Variants in SMYD1 observed in about 807,000 individuals in gnomAD.
SMYD1 encodes SET and MYND domain containing 1, also known as histone-lysine N-methyltransferase SMYD1.
In SMYD1, 49 loss-of-function variants were observed where a neutral mutation model predicts 54.0. That is an observed-to-expected ratio of 0.91 (90% confidence interval 0.72 to 1.15). The LOEUF (loss-of-function observed/expected upper bound fraction) is 1.15. SMYD1 is among the 50% of genes most tolerant of loss of function. The pLI, the probability that SMYD1 is intolerant of heterozygous loss-of-function variation, is 0.00. For synonymous variants in SMYD1, 269 were observed against 234.2 expected (o/e 1.15, Z -1.36); for missense variants, 653 against 639.6 (o/e 1.02, Z -0.23).
intron 8 of SMYD1, among the ~76,000 whole-genome samples, chr2:88,106,909 G>A (rs1674888444): frequency 6.6e-6 from 1 of 151,918 alleles, no homozygotes; most frequent in East Asian, 1.9e-4. Flanking sequence ...CTTAAAAATT[G>A]TAAAATTCTG....
At chr2:88,106,722 A>G (rs1378950730) in intron 8 of SMYD1, among the ~76,000 whole-genome samples, 1 of 152,094 alleles carries the variant, frequency 6.6e-6, no homozygotes. Flanking sequence ...TCTTTCCCAA[A>G]TTCTCCAGCA....
Position 88,112,217 on chromosome 2 carries a change from T to C in SMYD1, c.*1705T>C, listed in dbSNP as rs922711576. 2.9e-6 allele frequency: 2 copies of C among 693,928 alleles called. No individual in the cohort carries two copies. The highest frequency in any genetic ancestry group is 1.8e-5 in the African/African-American group (1 of 56,980). 43.0% of individuals were successfully genotyped at this position (693,928 alleles called of 1,614,324 possible). On this transcript the variant is annotated 3_prime_UTR_variant, in exon 10 of 10. Coordinates refer to ENST00000419482, the MANE Select transcript of SMYD1 (RefSeq NM_198274.4). ...TCAAATTATCACTCTTTTACCTTCA[T>C]ATAAAATGTCTCCCCCAAACCTTTT...
intron 1 of SMYD1, among the ~76,000 whole-genome samples, chr2:88,073,300 C>T (rs186325091): frequency 5.9e-5 from 9 of 152,304 alleles, no homozygotes; most frequent in African/African-American, 1.9e-4. Context: ...TTTCTTTATA[C>T]AATCCACCAT....
chr2:88,070,659 T>C (rs1200273594), intron 1 of SMYD1, among the ~76,000 whole-genome samples: 1 of 152,024 alleles, frequency 6.6e-6, no homozygotes, highest in African/African-American at 2.4e-5. Context: ...AAATAATAGT[T>C]TTGGCCGGGT....
intron 2 of SMYD1, among the ~76,000 whole-genome samples, chr2:88,087,001 C>T: frequency 9.8e-6 from 1 of 101,846 alleles, no homozygotes; most frequent in South Asian, 3.5e-4. Flanking sequence ...CACCCCACCA[C>T]AGTCCCCAAA....
intron 8 of SMYD1, among the ~76,000 whole-genome samples, chr2:88,107,347 A>G (rs1674900788): frequency 6.6e-6 from 1 of 152,238 alleles, no homozygotes; most frequent in South Asian, 2.1e-4. Flanking sequence ...GTTAGTCATA[A>G]ACAAAATGTA....
At chr2:88,072,084 T>A (rs1160487705) in intron 1 of SMYD1, among the ~76,000 whole-genome samples, 1 of 152,064 alleles carries the variant, frequency 6.6e-6, no homozygotes, top group Non-Finnish European at 1.5e-5. Context: ...GCATATAAAA[T>A]GTTTTCTTGA....
intron 6 of SMYD1, among the ~76,000 whole-genome samples, chr2:88,101,880 A>G (rs911601829): frequency 6.6e-6 from 1 of 152,256 alleles, no homozygotes; most frequent in Admixed American, 6.5e-5. Flanking sequence ...TGCTGGGATT[A>G]CAGGCGTGAG....
intron 5 of SMYD1, 139 bp downstream of exon 5, chr2:88,093,694 T>C (rs1674513229): frequency 2.2e-6 from 2 of 912,224 alleles, no homozygotes; most frequent in East Asian, 2.5e-5. Context: ...GTCTCATCTT[T>C]TTAATGCATT....
intron 1 of SMYD1, among the ~76,000 whole-genome samples, chr2:88,072,714 T>C (rs984127923): frequency 6.6e-6 from 1 of 152,220 alleles, no homozygotes; most frequent in African/African-American, 2.4e-5. Context: ...TTTAATAATT[T>C]CAGGTTCAAT....
intron 7 of SMYD1, among the ~76,000 whole-genome samples, chr2:88,104,244 G>A (rs907193877): frequency 6.6e-6 from 1 of 152,182 alleles, no homozygotes; most frequent in Non-Finnish European, 1.5e-5. Context: ...GGGATTACAG[G>A]CGTGAGCCAC....
chr2:88,070,504 A>G (rs1673922017), intron 1 of SMYD1, among the ~76,000 whole-genome samples: 1 of 151,924 alleles, frequency 6.6e-6, no homozygotes, highest in South Asian at 2.1e-4. Flanking sequence ...ATATTCTAAC[A>G]TATATTATAT....
chr2:88,101,833 T>C (rs1252082057), intron 6 of SMYD1, among the ~76,000 whole-genome samples: 1 of 152,228 alleles, frequency 6.6e-6, no homozygotes, highest in African/African-American at 2.4e-5. Flanking sequence ...ATCAAACTCC[T>C]GACCTCAGGT....
chr2:88,068,081 A>T, intron 1 of SMYD1, 80 bp downstream of exon 1: 1 of 1,504,662 alleles, frequency 6.6e-7, no homozygotes, highest in Non-Finnish European at 8.9e-7. Context: ...CTCAAAAATC[A>T]TCAGGGGAAG....
chr2:88,080,253 C>T (rs1445644241), intron 1 of SMYD1, among the ~76,000 whole-genome samples: 1 of 152,142 alleles, frequency 6.6e-6, no homozygotes, highest in African/African-American at 2.4e-5. Flanking sequence ...TAAGTGTTCA[C>T]CTAGGTGATT....
Position 88,096,152 on chromosome 2 carries a change from G to T in SMYD1, c.699-443G>T, listed in dbSNP as rs192694212. 3.9e-5 allele frequency among the ~76,000 whole-genome samples: 6 copies of T among 152,350 alleles called. No homozygotes were observed. In the East Asian group the frequency reaches 1.2e-3, roughly 29 times the overall value. ...GAATGGGCCAAGGTTGTGGGTAACC[G>T]AATGTGTATGTTTCTGAGAGAGTAG... On this transcript the variant is annotated intron_variant, in intron 5 of 9. Coordinates refer to ENST00000419482, the MANE Select transcript of SMYD1 (RefSeq NM_198274.4).
intron 1 of SMYD1, among the ~76,000 whole-genome samples, chr2:88,079,914 C>T (rs1249251879): frequency 2.0e-5 from 3 of 152,220 alleles, no homozygotes; most frequent in African/African-American, 7.2e-5. Flanking sequence ...AAATACTTCT[C>T]CTCACCCCAA....
At chr2:88,074,037 G>T (rs903963402) in intron 1 of SMYD1, among the ~76,000 whole-genome samples, 1 of 152,174 alleles carries the variant, frequency 6.6e-6, no homozygotes, top group African/African-American at 2.4e-5. Context: ...GAGAGAGAAA[G>T]AGAGAGGGAA....
intron 1 of SMYD1, among the ~76,000 whole-genome samples, chr2:88,079,542 C>T (rs1435234139): frequency 6.6e-6 from 1 of 152,150 alleles, no homozygotes; most frequent in Non-Finnish European, 1.5e-5. Flanking sequence ...AGTAAGGGGT[C>T]TTTGCACAGA....
Sources: gnomAD v4.1 joint callset for allele counts (sites outside exome capture counted in the v4.1 genomes callset) on GRCh38, gnomAD v4.1.1 for gene constraint, MANE v1.5 for transcripts, NCBI Gene and HGNC (gene_info 2026-07-23, HGNC 2026-07-21) for gene names.